KCNMA1: variants seen among roughly 807,000 people sequenced by gnomAD.
KCNMA1 encodes the protein potassium calcium-activated channel subfamily M alpha 1, also known as Calcium-activated potassium channel subunit alpha-1.
Under a neutral mutation model 140.0 loss-of-function variants are expected in KCNMA1, and 29 were observed. The observed-to-expected ratio is 0.21, with a 90% CI of 0.15 to 0.28. The LOEUF is 0.28. Ranked by LOEUF, KCNMA1 falls within the 10% of genes least tolerant of loss-of-function variation. KCNMA1 has a pLI of 1.00. For synonymous variants in KCNMA1, 612 were observed against 611.9 expected (o/e 1.00, Z 0.00); for missense variants, 880 against 1,602.2 (o/e 0.55, Z 7.70).
At chr10:77,362,362 A>ACC (rs1254986934) in intron 2 of KCNMA1, among the ~76,000 whole-genome samples, 8 of 8,228 alleles carry the variant, frequency 9.7e-4, no homozygotes, top group African/African-American at 3.7e-3. Context: ...CACCCCCCCC[A>ACC]CCCCACACAC....
At chr10:77,570,351 T>C (rs1450502479) in intron 1 of KCNMA1, among the ~76,000 whole-genome samples, 2 of 145,482 alleles carry the variant, frequency 1.4e-5, no homozygotes, top group African/African-American at 5.1e-5. Flanking sequence ...TGTCCAACAA[T>C]GATAGACTGG....
chr10:76,952,178 T>A, intron 21 of KCNMA1: 1 of 1,550,314 alleles, frequency 6.5e-7, no homozygotes, highest in Non-Finnish European at 8.7e-7. Flanking sequence ...AGTGGTAACA[T>A]CAGGCTAAAT....
intron 2 of KCNMA1, among the ~76,000 whole-genome samples, chr10:77,330,150 T>G (rs538009449): frequency 6.6e-6 from 1 of 152,282 alleles, no homozygotes; most frequent in Non-Finnish European, 1.5e-5. Flanking sequence ...TGAAGAAAGT[T>G]TGTTCACTCA....
intron 18 of KCNMA1, among the ~76,000 whole-genome samples, chr10:77,009,417 C>A (rs1169052667): frequency 6.6e-6 from 1 of 152,148 alleles, no homozygotes; most frequent in Non-Finnish European, 1.5e-5. Flanking sequence ...ACAATTTAGT[C>A]TGCTGTGTTC....
chr10:76,899,487 G>T (rs1391950758), intron 25 of KCNMA1, among the ~76,000 whole-genome samples: 4 of 152,104 alleles, frequency 2.6e-5, no homozygotes, highest in Admixed American at 2.0e-4. Context: ...ATCTTGCTCT[G>T]CCATCCATTA....
At chr10:77,328,333 G>A (rs1207972809) in intron 2 of KCNMA1, among the ~76,000 whole-genome samples, 5 of 152,194 alleles carry the variant, frequency 3.3e-5, no homozygotes, top group Non-Finnish European at 5.9e-5. Flanking sequence ...CAGGCAGGCA[G>A]GTCAAACTGC....
chr10:77,445,271 T>TGAGCC (rs919541281), intron 1 of KCNMA1, among the ~76,000 whole-genome samples: 4 of 152,040 alleles, frequency 2.6e-5, no homozygotes, highest in African/African-American at 9.7e-5. Context: ...ACAGGTGAGC[T>TGAGCC]GAGCCACGCT....
chr10:77,335,200 T>C (rs1025594007), intron 2 of KCNMA1, among the ~76,000 whole-genome samples: 3 of 152,152 alleles, frequency 2.0e-5, no homozygotes, highest in African/African-American at 7.2e-5. Context: ...AGCGGTATAG[T>C]TGCAGGGGTA....
intron 3 of KCNMA1, among the ~76,000 whole-genome samples, chr10:77,194,883 G>C (rs548421416): frequency 2.6e-5 from 4 of 152,294 alleles, no homozygotes; most frequent in Admixed American, 2.6e-4. Context: ...CCATTTATCT[G>C]CTGCTTCACT....
intron 2 of KCNMA1, among the ~76,000 whole-genome samples, chr10:77,327,084 A>C (rs993616439): frequency 6.6e-6 from 1 of 151,796 alleles, no homozygotes; most frequent in Non-Finnish European, 1.5e-5. Context: ...TTTAAAATCT[A>C]CTCCAGCAGC....
chr10:77,373,396 C>T (rs774272942), intron 2 of KCNMA1, among the ~76,000 whole-genome samples: 1 of 152,202 alleles, frequency 6.6e-6, no homozygotes, highest in Non-Finnish European at 1.5e-5. Flanking sequence ...TGGGAAATTA[C>T]AAGCCCCAGG....
At chr10:77,385,494 G>A (rs563646660) in intron 2 of KCNMA1, among the ~76,000 whole-genome samples, 7 of 152,362 alleles carry the variant, frequency 4.6e-5, no homozygotes, top group Non-Finnish European at 7.3e-5. Flanking sequence ...CACTGGCTCA[G>A]GGTCACACTA....
intron 14 of KCNMA1, among the ~76,000 whole-genome samples, chr10:77,072,444 T>G (rs546044430): frequency 1.1e-4 from 17 of 147,918 alleles, no homozygotes; most frequent in African/African-American, 3.9e-4. Context: ...TCTCCTTGCC[T>G]GCACTGGTGC....
Position 76,912,504 on chromosome 10 carries a change from T to C in KCNMA1, c.3017-2408A>G, listed in dbSNP as rs3781143. ...GTGAAATGGTCTGAGGAGGGTGGTA[T>C]AGTGGCTAGAGAAATAGGTTTCAAG... On this transcript the variant is annotated intron_variant, in intron 24 of 27. Transcript: ENST00000286628. 5.7e-3 allele frequency: 875 copies of C among 152,258 alleles called. 25 individuals are homozygous for C. The East Asian group carries it at 0.094, about 16-fold the overall frequency. The allele number at this position is 152,258 out of a possible 1,614,324, so 9.4% of individuals were successfully genotyped here.
chr10:77,573,854 CT>C (rs997165170), intron 1 of KCNMA1, among the ~76,000 whole-genome samples: 32 of 70,208 alleles, frequency 4.6e-4, no homozygotes, highest in African/African-American at 1.5e-3. Context: ...TTTTTTTTTT[CT>C]GAGACAGGGT....
chr10:77,090,568 AC>A (rs1213585788), intron 9 of KCNMA1, 58 bp from the exon 10 acceptor site: 5 of 1,124,344 alleles, frequency 4.4e-6, no homozygotes, highest in South Asian at 2.5e-5. Flanking sequence ...CCTGCATCCC[AC>A]CCCCTGGCAA....
intron 12 of KCNMA1, among the ~76,000 whole-genome samples, chr10:77,083,501 TAAAAAAAAAA>T (rs35527205): frequency 1.1e-5 from 1 of 91,394 alleles, no homozygotes; most frequent in South Asian, 3.8e-4. Context: ...AGATGTTCTG[TAAAAAAAAAA>T]AAAAAAAAAA....
intron 5 of KCNMA1, among the ~76,000 whole-genome samples, chr10:77,122,775 C>G (rs528641130): frequency 6.6e-6 from 1 of 152,270 alleles, no homozygotes; most frequent in South Asian, 2.1e-4. Flanking sequence ...TGCCAAGAAG[C>G]ATCTGGCTTT....
intron 2 of KCNMA1, among the ~76,000 whole-genome samples, chr10:77,352,172 A>G (rs2092963473): frequency 6.6e-6 from 1 of 152,238 alleles, no homozygotes. Flanking sequence ...CAAAATACAC[A>G]TTGACGGTTC....
Sources: gnomAD v4.1 joint callset for allele counts (sites outside exome capture counted in the v4.1 genomes callset) on GRCh38, gnomAD v4.1.1 for gene constraint, MANE v1.5 for transcripts, NCBI Gene and HGNC (gene_info 2026-07-23, HGNC 2026-07-21) for gene names.